CRYM: variants seen among roughly 807,000 people sequenced by gnomAD.
The protein encoded by CRYM is ketimine reductase mu-crystallin.
In CRYM, 18 loss-of-function variants were observed where a neutral mutation model predicts 32.9. The observed-to-expected ratio is 0.55, with a 90% CI of 0.38 to 0.81. The LOEUF (loss-of-function observed/expected upper bound fraction) is 0.81, where lower values mean the gene tolerates loss of function less well. Among genes scored for constraint, CRYM ranks in the 30% least tolerant of loss-of-function variants. The pLI is 0.00. For synonymous variants in CRYM, 153 were observed against 152.4 expected (o/e 1.00, Z -0.03); for missense variants, 337 against 393.5 (o/e 0.86, Z 1.21).
At chr16:21,262,014 G>T in intron 6 of CRYM, 23 bp downstream of exon 6, 1 of 1,613,542 alleles carries the variant, frequency 6.2e-7, no homozygotes, top group South Asian at 1.1e-5. Context: ...TGGCAGCCCT[G>T]ACTGGGGTCA....
intron 7 of CRYM, among the ~76,000 whole-genome samples, chr16:21,260,150 G>A (rs1406485486): frequency 6.6e-6 from 1 of 152,112 alleles, no homozygotes; most frequent in Non-Finnish European, 1.5e-5. Context: ...CTGATGCTCT[G>A]CCAGGCATTT....
intron 1 of CRYM, among the ~76,000 whole-genome samples, chr16:21,290,857 C>T (rs1181429706): frequency 6.6e-6 from 1 of 151,788 alleles, no homozygotes; most frequent in Non-Finnish European, 1.5e-5. Context: ...CCTATCACAT[C>T]TTTGCTTTTT....
chr16:21,295,932 TA>T (rs35539330), intron 1 of CRYM, among the ~76,000 whole-genome samples: 5,312 of 141,200 alleles, frequency 0.038, 190 homozygotes, highest in East Asian at 0.16. Context: ...AGACTCCGTC[TA>T]AAAAAAAAAA....
intron 3 of CRYM, 93 bp from the exon 4 acceptor site, chr16:21,269,984 C>T: frequency 1.2e-6 from 1 of 821,566 alleles, no homozygotes; most frequent in Non-Finnish European, 2.1e-6. Flanking sequence ...GACTTCTGCC[C>T]TCTCTTCTGC....
chr16:21,271,498 T>G (rs1470198222), intron 3 of CRYM, among the ~76,000 whole-genome samples: 1 of 152,186 alleles, frequency 6.6e-6, no homozygotes, highest in Non-Finnish European at 1.5e-5. Flanking sequence ...AAACAGCATC[T>G]CTGAAATATT....
At chr16:21,286,897 T>C (rs1465718832) in intron 1 of CRYM, among the ~76,000 whole-genome samples, 3 of 152,074 alleles carry the variant, frequency 2.0e-5, no homozygotes, top group Non-Finnish European at 2.9e-5. Context: ...GAGACCATCC[T>C]GGCTAACACG....
At chr16:21,260,227 G>C (rs1166083042) in intron 7 of CRYM, among the ~76,000 whole-genome samples, 1 of 152,144 alleles carries the variant, frequency 6.6e-6, no homozygotes, top group African/African-American at 2.4e-5. Flanking sequence ...ACTCTCGAGG[G>C]GCTCAGGATA....
At chr16:21,292,499 A>G (rs900996066) in intron 1 of CRYM, among the ~76,000 whole-genome samples, 8 of 152,176 alleles carry the variant, frequency 5.3e-5, no homozygotes, top group Non-Finnish European at 1.2e-4. Flanking sequence ...TTGTCCCCAA[A>G]TTGATTTATA....
intron 1 of CRYM, chr16:21,300,512 TA>T (rs34319918): frequency 0.13 from 14,811 of 109,736 alleles, 1,540 homozygotes; most frequent in East Asian, 0.59. Flanking sequence ...GATTCCCTCT[TA>T]AAAAAAAAAA....
In CRYM at chr16:21,278,088, T is replaced by A; in HGVS notation, c.164A>T (p.His55Leu). ...CCCGACCCTCCTCACTCACCCCCTGTGCTTGGTCACCGGCACCACGGTGCG... is the reference window on the plus strand; with the variant it reads ...CCCGACCCTCCTCACTCACCCCCTGAGCTTGGTCACCGGCACCACGGTGCG... ...PVRTVVPVTK[H>L]RGYLGVMPAY... Residue 55 changes from histidine (H) to leucine (L), a missense_variant, in exon 1 of 8, where the codon CAC (histidine) becomes CTC (leucine). Physicochemically the swap from His to Leu is moderately conservative, Grantham distance 99 (BLOSUM62 -3). Coordinates refer to ENST00000572914, the MANE Select transcript of CRYM (RefSeq NM_001376256.1). The A allele has an allele frequency of 6.5e-7, 1 of 1,545,624 alleles. No homozygotes were observed. Among genetic ancestry groups the A allele is most frequent in the Non-Finnish European group, 8.7e-7 (1 of 1,146,930 alleles).
intron 1 of CRYM, among the ~76,000 whole-genome samples, chr16:21,292,985 C>A (rs150968162): frequency 1.5e-4 from 23 of 150,402 alleles, no homozygotes; most frequent in Non-Finnish European, 3.3e-4. Flanking sequence ...GATGGATGAA[C>A]GGATGGATGG....
At chr16:21,298,414 G>GGGAAATATA (rs1181704546) in intron 1 of CRYM, among the ~76,000 whole-genome samples, 5 of 152,106 alleles carry the variant, frequency 3.3e-5, no homozygotes, top group Admixed American at 6.5e-5. Context: ...GTAAACAAAT[G>GGGAAATATA]GGAAATATAC....
At chr16:21,284,534 G>A (rs1240835877) in intron 1 of CRYM, among the ~76,000 whole-genome samples, 1 of 152,062 alleles carries the variant, frequency 6.6e-6, no homozygotes, top group Admixed American at 6.6e-5. Flanking sequence ...TTGTGGATTT[G>A]TAGGTTCTAG....
At chr16:21,270,824 T>C (rs2093373888) in intron 3 of CRYM, among the ~76,000 whole-genome samples, 2 of 152,198 alleles carry the variant, frequency 1.3e-5, no homozygotes, top group African/African-American at 4.8e-5. Context: ...TAAAGACGAA[T>C]GTAGAATTAG....
upstream of CRYM, among the ~76,000 whole-genome samples, chr16:21,280,613 T>C (rs1376958358): frequency 6.6e-6 from 1 of 152,184 alleles, no homozygotes; most frequent in Admixed American, 6.5e-5. Context: ...ACAGACTCTT[T>C]GTGGCAATAC....
Position 21,278,082 on chromosome 16 carries a change from C to A in CRYM, c.170G>T (p.Gly57Val). ...RTVVPVTKHR[G>V]YLGVMPAYSA... ...CCTGACCCCGACCCTCCTCACTCACCCCCTGTGCTTGGTCACCGGCACCAC... is the reference window on the plus strand; with the variant it reads ...CCTGACCCCGACCCTCCTCACTCACACCCTGTGCTTGGTCACCGGCACCAC... Residue 57 changes from glycine (G) to valine (V), a missense_variant and splice_region_variant, in exon 1 of 8, where the codon GGC becomes GTC. Physicochemically the swap from Gly to Val is moderately radical, Grantham distance 109. Coordinates refer to ENST00000572914, the MANE Select transcript of CRYM (RefSeq NM_001376256.1). The A allele has an allele frequency of 6.5e-7, 1 of 1,544,764 alleles. No individual in the cohort carries two copies. Among genetic ancestry groups the A allele is most frequent in the South Asian group, 1.2e-5 (1 of 83,984 alleles).
At chr16:21,276,917 T>G (rs1567235497) in intron 2 of CRYM, among the ~76,000 whole-genome samples, 1 of 151,070 alleles carries the variant, frequency 6.6e-6, no homozygotes, top group Non-Finnish European at 1.5e-5. Flanking sequence ...GATTAATAAA[T>G]GTGAAATGTT....
At chr16:21,297,119 C>T (rs750277729) in intron 1 of CRYM, among the ~76,000 whole-genome samples, 8 of 149,024 alleles carry the variant, frequency 5.4e-5, no homozygotes, top group Non-Finnish European at 7.4e-5. Flanking sequence ...AAAGGCCAGG[C>T]GCGGTGGCTC....
intron 1 of CRYM, among the ~76,000 whole-genome samples, chr16:21,299,608 C>A (rs1302687717): frequency 6.6e-6 from 1 of 152,252 alleles, no homozygotes; most frequent in African/African-American, 2.4e-5. Flanking sequence ...CTGCACCTGA[C>A]CACATTAGAC....
Sources: gnomAD v4.1 joint callset for allele counts (sites outside exome capture counted in the v4.1 genomes callset) on GRCh38, gnomAD v4.1.1 for gene constraint, MANE v1.5 for transcripts, NCBI Gene and HGNC (gene_info 2026-07-23, HGNC 2026-07-21) for gene names.